Variants in SRP68 observed in about 807,000 individuals in gnomAD.
SRP68 encodes the protein signal recognition particle subunit SRP68.
SRP68 carries 15 observed loss-of-function variants against 82.2 expected under a neutral mutation model. That is an observed-to-expected ratio of 0.18 (90% CI 0.12 to 0.28). The LOEUF (loss-of-function observed/expected upper bound fraction) is 0.28. SRP68 is among the 10% of genes least tolerant of loss of function. The probability of loss-of-function intolerance (pLI) is 1.00; values close to 1 mark genes in which losing one functional copy is unlikely to be tolerated. For synonymous variants in SRP68, 261 were observed against 292.6 expected (o/e 0.89, Z 1.10); for missense variants, 595 against 780.5 (o/e 0.76, Z 2.83).
Position 76,057,435 on chromosome 17 carries a change from C to G in SRP68, c.946G>C (p.Gly316Arg). Residue 316 changes from glycine (G) to arginine (R), a missense_variant, in exon 8 of 16, where the codon GGA (glycine) becomes CGA (arginine). By Grantham distance (125) the Gly-to-Arg change is moderately radical. Coordinates refer to ENST00000307877, the MANE Select transcript of SRP68 (RefSeq NM_014230.4). ...KIDKVRIFLL[G>R]LADNEAAIVQ... The stretch of plus-strand genomic sequence containing the variant: ...ATAGCTGCTTCGTTATCAGCCAGTC[C>G]TAATAAGAAAATGCGCACTTTGTCA... The G allele has an allele frequency of 6.2e-7, 1 of 1,614,188 alleles. No homozygotes were observed. Among genetic ancestry groups the G allele is most frequent in the Non-Finnish European group, 8.5e-7 (1 of 1,180,040 alleles).
At chr17:76,040,775 G>T in intron 14 of SRP68, 128 bp downstream of exon 14, 1 of 907,838 alleles carries the variant, frequency 1.1e-6, no homozygotes. Flanking sequence ...ACAAGTAAAG[G>T]CCAGGAACAT....
chr17:76,059,083 C>CA (rs931328066), intron 7 of SRP68, among the ~76,000 whole-genome samples: 2 of 151,320 alleles, frequency 1.3e-5, no homozygotes, highest in Non-Finnish European at 2.9e-5. Flanking sequence ...CTGTCTCTAC[C>CA]AAAAAACAAA....
chr17:76,046,186 G>A lies in SRP68; in HGVS notation c.1151C>T (p.Thr384Ile), dbSNP rs1331083026. 3 of 1,613,712 alleles carry A rather than the reference G, an allele frequency of 1.9e-6. No homozygotes were observed. Among genetic ancestry groups the A allele is most frequent in the African/African-American group, 2.7e-5 (2 of 74,882 alleles). Residue 384 changes from threonine (T) to isoleucine (I), a missense_variant, in exon 11 of 16, where the codon ACT becomes ATT. Thr to Ile is a moderately conservative substitution (Grantham distance 89). Around this residue, in one of 2 missense-constraint regions of SRP68, gnomAD observed 495 missense variants for 688.6 expected, o/e 0.72. Coordinates refer to ENST00000307877, the MANE Select transcript of SRP68 (RefSeq NM_014230.4). ...GATTGCCGTTGATAGCTTGATGTAAGTCAGGTAGCTGGAATGCACCACAAG... is the reference window on the plus strand; with the variant it reads ...GATTGCCGTTGATAGCTTGATGTAAATCAGGTAGCTGGAATGCACCACAAG... ...SNLQYLHSYL[T>I]YIKLSTAIKR... is the part of the protein sequence containing the mutation.
chr17:76,041,036 A>C lies in SRP68; in HGVS notation c.1525-58T>G, dbSNP rs538659089. 35 of 1,464,790 alleles carry C rather than the reference A, an allele frequency of 2.4e-5. No homozygotes were observed. In the African/African-American group the frequency reaches 4.9e-4, roughly 20 times the overall value. The allele number at this position is 1,464,790 out of a possible 1,614,324, so 90.7% of individuals were successfully genotyped here. A position where few individuals can be genotyped will look rare whatever the true frequency, so the allele number is the denominator to read the frequency against. On this transcript the variant is annotated intron_variant, in intron 13 of 15. Transcript: ENST00000307877. Reference sequence around the variant, plus strand: ...CAGGGCCAGGTCAGAGAAGCACACCAAGCTAACCCGAGTTAACCGACCCCA... The same window carrying C: ...CAGGGCCAGGTCAGAGAAGCACACCCAGCTAACCCGAGTTAACCGACCCCA...
At position 76,072,294 on chromosome 17, in the gene SRP68, TTACTC is replaced by T. The variant is rs2066859374; in HGVS notation, c.184+9_184+13del. On this transcript the variant is annotated intron_variant, in intron 1 of 15. Coordinates refer to ENST00000307877, the MANE Select transcript of SRP68 (RefSeq NM_014230.4). The surrounding 1 kb of genome is among the most constrained non-coding windows in gnomAD (Gnocchi z 4.5). ...CGTAATCATTGCGAGTTAGGCCCGA[TTACTC>T]TAGGATACTCTCCAAACTCAGGCTA... 6.2e-7 allele frequency: 1 copy of T among 1,607,964 alleles called. No homozygotes were observed. Among genetic ancestry groups the T allele is most frequent in the African/African-American group, 1.4e-5 (1 of 73,792 alleles).
intron 4 of SRP68, among the ~76,000 whole-genome samples, chr17:76,062,931 C>T (rs1335560013): frequency 2.0e-5 from 3 of 148,646 alleles, no homozygotes; most frequent in South Asian, 2.1e-4. Context: ...CCACTACGCC[C>T]AGCTAATTTT....
rs1314019634 is a variant in SRP68 at position 76,064,090 on chromosome 17, G to C, written c.447C>G (p.Pro149=). The C allele has an allele frequency of 6.2e-7, 1 of 1,614,192 alleles. No individual in the cohort carries two copies. Among genetic ancestry groups the C allele is most frequent in the East Asian group, 2.2e-5 (1 of 44,878 alleles). Residue 149 remains proline, a synonymous_variant, in exon 4 of 16, where the codon CCC becomes CCG. Transcript: ENST00000307877. The part of the protein sequence containing the change: ...MQLKQEANTE[P]RKRFHLLSRL... ...GAGATAACAAGTGAAACCGTTTTCG[G>C]GGTTCAGTGTTGGCTTCCTGTTTCA...
rs1176738782 is a variant in SRP68 at position 76,064,043 on chromosome 17, T to G, written c.494A>C (p.His165Pro). 1 of 1,614,268 alleles carries G rather than the reference T, an allele frequency of 6.2e-7. No homozygotes were observed. Reference sequence around the variant, plus strand: ...ACACAAGCGTTCCAATTCCTCTGCATGCTTCACGGCTTTGCGTAGGCGAGA... The same window carrying G: ...ACACAAGCGTTCCAATTCCTCTGCAGGCTTCACGGCTTTGCGTAGGCGAGA... ...LLSRLRKAVK[H>P]AEELERLCES... The change falls in exon 4 of 16, where the codon CAT becomes CCT. Residue 165 changes from histidine to proline, a missense_variant. Physicochemically the swap from His to Pro is moderately conservative, Grantham distance 77. This residue lies in a region of SRP68 where 495 missense variants were observed against 688.6 expected (regional missense o/e 0.72). Coordinates refer to ENST00000307877, the MANE Select transcript of SRP68 (RefSeq NM_014230.4).
chr17:76,053,710 G>T, intron 8 of SRP68: 1 of 909,136 alleles, frequency 1.1e-6, no homozygotes, highest in Non-Finnish European at 1.3e-6. Context: ...CGCCCACACT[G>T]CAATGACTCA....
intron 11 of SRP68, 142 bp downstream of exon 11, chr17:76,045,896 G>A: frequency 1.0e-6 from 1 of 970,720 alleles, no homozygotes; most frequent in South Asian, 1.5e-5. Context: ...CTGCAGAACT[G>A]GTGTAAGATC....
intron 12 of SRP68, 23 bp from the exon 13 acceptor site, chr17:76,043,981 A>T: frequency 6.3e-7 from 1 of 1,587,996 alleles, no homozygotes; most frequent in Non-Finnish European, 8.5e-7. Flanking sequence ...GAAAAGAGCC[A>T]CAATATTCTA....
chr17:76,040,021 G>C, intron 15 of SRP68, 88 bp from the exon 16 acceptor site: 1 of 1,300,050 alleles, frequency 7.7e-7, no homozygotes, highest in Admixed American at 2.0e-5. Flanking sequence ...CTGGTTCAGA[G>C]CTTTACAGGG....
chr17:76,047,788 CA>C (rs5822115), intron 10 of SRP68, 117 bp downstream of exon 10: 2,151 of 346,418 alleles, frequency 6.2e-3, no homozygotes, highest in South Asian at 0.011. Context: ...GATCCTGTCT[CA>C]AAAAAAAAAA....
At chr17:76,062,536 CATTAT>C (rs2066761964) in intron 4 of SRP68, among the ~76,000 whole-genome samples, 2 of 101,190 alleles carry the variant, frequency 2.0e-5, no homozygotes, top group Non-Finnish European at 3.7e-5. Context: ...ATATAATATA[CATTAT>C]ATATTATATA....
rs1447530857 is a variant in SRP68, at chr17:76,038,954, T to C, written c.*752A>G. 1 of 155,988 alleles carries C rather than the reference T, an allele frequency of 6.4e-6. No individual in the cohort carries two copies. The highest frequency in any genetic ancestry group is 1.4e-5 in the Non-Finnish European group (1 of 70,090). 9.7% of individuals were successfully genotyped at this position (155,988 alleles called of 1,614,324 possible). A position where few individuals can be genotyped will look rare whatever the true frequency, so the allele number is the denominator to read the frequency against. On this transcript the variant is annotated 3_prime_UTR_variant, in exon 16 of 16. Coordinates refer to ENST00000307877, the MANE Select transcript of SRP68 (RefSeq NM_014230.4). ...TTACACATTGGGAAGTCCTGAAAAA[T>C]AGTGCCTCTAACATGTGTATCTGGC...
rs545857417 is a variant in SRP68 at position 76,058,065 on chromosome 17, T to C, written c.838-522A>G. 1.2e-3 allele frequency among the ~76,000 whole-genome samples: 183 copies of C among 151,624 alleles called. 1 individual carries two copies. The highest frequency in any genetic ancestry group is 4.2e-3 in the African/African-American group (172 of 41,320). On this transcript the variant is annotated intron_variant, in intron 7 of 15. Coordinates refer to ENST00000307877, the MANE Select transcript of SRP68 (RefSeq NM_014230.4). ...ACAGCTTACTGCAACCTCCAACTCC[T>C]GGGCTCAAGTGATCCTTTTGCCTCA...
chr17:76,061,082 A>G (rs2144515680), intron 6 of SRP68, 28 bp downstream of exon 6: 3 of 1,361,734 alleles, frequency 2.2e-6, no homozygotes, highest in Non-Finnish European at 3.1e-6. Context: ...GTTCAAGTTG[A>G]GTATAATGCC....
At chr17:76,042,092 G>A (rs1408915090) in intron 13 of SRP68, among the ~76,000 whole-genome samples, 2 of 151,850 alleles carry the variant, frequency 1.3e-5, no homozygotes, top group African/African-American at 4.8e-5. Flanking sequence ...CACTATGTTG[G>A]CCAGGATGGT....
intron 8 of SRP68, among the ~76,000 whole-genome samples, chr17:76,052,892 T>G (rs1258008725): frequency 1.3e-5 from 2 of 148,752 alleles, no homozygotes; most frequent in Non-Finnish European, 1.5e-5. Context: ...CAAACCTGCA[T>G]GTTCTGCACA....
Sources: gnomAD v4.1 joint callset for allele counts (sites outside exome capture counted in the v4.1 genomes callset) on GRCh38, gnomAD v4.1.1 for gene constraint, gnomAD v4.1.1 regional missense constraint, Gnocchi (gnomAD v3.1) non-coding constraint, MANE v1.5 for transcripts, NCBI Gene and HGNC (gene_info 2026-07-23, HGNC 2026-07-21) for gene names.